The following TEX10 variants were observed in gnomAD, a reference collection of about 807,000 sequenced individuals.
The protein encoded by TEX10 is testis-expressed protein 10.
TEX10 carries 24 observed loss-of-function variants against 104.4 expected under a neutral mutation model. The observed-to-expected ratio is 0.23, with a 90% CI of 0.17 to 0.32. TEX10 has a LOEUF of 0.32. Ranked by LOEUF, TEX10 falls within the 10% of genes least tolerant of loss-of-function variation. TEX10 has a pLI of 1.00. For missense variants in TEX10, 921 were observed against 1,083.9 expected (o/e 0.85, Z 2.11); for synonymous variants, 396 against 393.4 (o/e 1.01, Z -0.08).
intron 4 of TEX10, among the ~76,000 whole-genome samples, chr9:100,342,777 C>T (rs1274273647): frequency 6.6e-6 from 1 of 152,142 alleles, no homozygotes; most frequent in Non-Finnish European, 1.5e-5. Context: ...AATACTGACC[C>T]TGACACTACT....
Position 100,320,253 on chromosome 9 carries a change from ATG to A in TEX10, c.2202+10_2202+11del. The A allele has an allele frequency of 6.3e-7, 1 of 1,582,086 alleles. No homozygotes were observed. The highest frequency in any genetic ancestry group is 8.6e-7 in the Non-Finnish European group (1 of 1,165,558). ...TTAATAATTATTAGTTTCTTTTTAAATGAACTATTACCTCTGTTACATCCCAG... is the reference window on the plus strand; with the variant it reads ...TTAATAATTATTAGTTTCTTTTTAAAAACTATTACCTCTGTTACATCCCAG... On this transcript the variant is annotated intron_variant, in intron 11 of 14. Transcript: ENST00000374902.
rs1213407184 is a variant in TEX10, at chr9:100,346,255, T to C, written c.954A>G (p.Lys318=). Reference sequence around the variant, plus strand: ...ATGGAATTATTATCTCAATAAATCCTTTCAGGTTTTCAGTAGATGACAGGC... The same window carrying C: ...ATGGAATTATTATCTCAATAAATCCCTTCAGGTTTTCAGTAGATGACAGGC... ...DEGLSSTENL[K]GFIEIIIPLL... is the part of the protein sequence containing the mutation. The change falls in exon 4 of 15, where the codon AAA becomes AAG. Residue 318 remains lysine (K), a synonymous_variant. Coordinates refer to ENST00000374902, the MANE Select transcript of TEX10 (RefSeq NM_017746.4). 3 of 1,614,040 alleles carry C rather than the reference T, an allele frequency of 1.9e-6. No homozygotes were observed. The South Asian group carries it at 3.3e-5, about 18-fold the overall frequency.
chr9:100,345,585 G>A (rs1835281107), intron 4 of TEX10, among the ~76,000 whole-genome samples: 1 of 152,130 alleles, frequency 6.6e-6, no homozygotes, highest in African/African-American at 2.4e-5. Context: ...AAGGAAAAGT[G>A]TAGCATACAC....
intron 10 of TEX10, among the ~76,000 whole-genome samples, chr9:100,321,174 T>C (rs1015710561): frequency 6.6e-6 from 1 of 152,206 alleles, no homozygotes; most frequent in Non-Finnish European, 1.5e-5. Flanking sequence ...CATTCATAAA[T>C]ATACAGTAAA....
intron 7 of TEX10, among the ~76,000 whole-genome samples, chr9:100,328,807 T>C (rs1169719125): frequency 6.6e-6 from 1 of 152,192 alleles, no homozygotes; most frequent in Non-Finnish European, 1.5e-5. Context: ...TATGCCTCAA[T>C]ATGTCACTAA....
chr9:100,313,546 A>T (rs1469023384), intron 11 of TEX10, among the ~76,000 whole-genome samples: 1 of 151,032 alleles, frequency 6.6e-6, no homozygotes, highest in Non-Finnish European at 1.5e-5. Context: ...AAAAGAAAAA[A>T]ATTTAAGAAA....
In TEX10 at chr9:100,347,036, T is replaced by G. The variant is rs769288641; in HGVS notation, c.551A>C (p.Lys184Thr). 1 of 1,614,192 alleles carries G rather than the reference T, an allele frequency of 6.2e-7. No homozygotes were observed. The highest frequency in any genetic ancestry group is 2.2e-5 in the East Asian group (1 of 44,890). ...LITGRSSILL[K>T]NFVELISHQQ... ...ATGAGAAATAAGTTCTACAAAATTC[T>G]TAAGCAATATGCTGCTACGGCCAGT... is the stretch of plus-strand genomic sequence containing the variant. The change falls in exon 3 of 15, where the codon AAG (lysine) becomes ACG (threonine). Residue 184 changes from lysine to threonine, a missense_variant. By Grantham distance (78) the Lys-to-Thr change is moderately conservative. This residue lies in a region of TEX10 where 50 missense variants were observed against 104.2 expected (regional missense o/e 0.48). Coordinates refer to ENST00000374902, the MANE Select transcript of TEX10 (RefSeq NM_017746.4).
At position 100,346,685 on chromosome 9, in the gene TEX10, C is replaced by T. The variant is rs915455870; in HGVS notation, c.893+9G>A. 1 of 1,597,186 alleles carries T rather than the reference C, an allele frequency of 6.3e-7. No individual in the cohort carries two copies. The highest frequency in any genetic ancestry group is 8.5e-7 in the Non-Finnish European group (1 of 1,171,826). ...AAAACTGTGTGGACATAACTGAAATCCTTCTTACCGTAGCCTGAACTGTGA... is the reference window on the plus strand; with the variant it reads ...AAAACTGTGTGGACATAACTGAAATTCTTCTTACCGTAGCCTGAACTGTGA... On this transcript the variant is annotated intron_variant, in intron 3 of 14. Coordinates refer to ENST00000374902, the MANE Select transcript of TEX10 (RefSeq NM_017746.4).
chr9:100,350,782 A>C (rs1024518267), intron 1 of TEX10, among the ~76,000 whole-genome samples: 2 of 152,242 alleles, frequency 1.3e-5, no homozygotes, highest in Non-Finnish European at 2.9e-5. Flanking sequence ...TTCAGAAGCC[A>C]ATCAGCTATG....
chr9:100,326,182 T>C (rs527291893), intron 9 of TEX10, 120 bp downstream of exon 9: 1 of 993,512 alleles, frequency 1.0e-6, no homozygotes, highest in South Asian at 1.8e-5. Context: ...TTTTAATTGT[T>C]GCATTAAGAG....
At chr9:100,322,872 T>C (rs531867334) in intron 9 of TEX10, among the ~76,000 whole-genome samples, 21 of 152,290 alleles carry the variant, frequency 1.4e-4, no homozygotes, top group African/African-American at 5.1e-4. Context: ...TGCCTCGGTC[T>C]CCCAGAGTTC....
chr9:100,305,181 C>T (rs1834115521), intron 13 of TEX10: 1 of 152,152 alleles, frequency 6.6e-6, no homozygotes, highest in Admixed American at 6.5e-5. Flanking sequence ...AAGGCTCTGA[C>T]CTTTTTGCAG....
At chr9:100,342,725 T>C (rs1835204171) in intron 4 of TEX10, among the ~76,000 whole-genome samples, 1 of 152,056 alleles carries the variant, frequency 6.6e-6, no homozygotes, top group Admixed American at 6.6e-5. Flanking sequence ...AGCAAGCAAG[T>C]CAAGCATTAA....
intron 8 of TEX10, 121 bp from the exon 9 acceptor site, chr9:100,326,600 A>C: frequency 4.3e-6 from 4 of 926,888 alleles, no homozygotes; most frequent in Non-Finnish European, 6.2e-6. Flanking sequence ...AATTTTATGA[A>C]TATCAATTAC....
At chr9:100,325,969 G>A (rs1315095569) in intron 9 of TEX10, among the ~76,000 whole-genome samples, 1 of 152,144 alleles carries the variant, frequency 6.6e-6, no homozygotes, top group Non-Finnish European at 1.5e-5. Flanking sequence ...TAAATTCTGA[G>A]CTCTCTGAAG....
chr9:100,338,173 G>C (rs995856060), intron 5 of TEX10, among the ~76,000 whole-genome samples: 1 of 152,188 alleles, frequency 6.6e-6, no homozygotes, highest in Non-Finnish European at 1.5e-5. Context: ...ACACTCTTCT[G>C]TTTGCTTGCT....
At chr9:100,333,777 A>C (rs1329744021) in intron 5 of TEX10, among the ~76,000 whole-genome samples, 1 of 152,206 alleles carries the variant, frequency 6.6e-6, no homozygotes, top group Non-Finnish European at 1.5e-5. Context: ...CAATAAACAT[A>C]CATAAATTAA....
intron 11 of TEX10, among the ~76,000 whole-genome samples, chr9:100,310,594 C>A (rs902460762): frequency 1.4e-4 from 22 of 152,138 alleles, no homozygotes; most frequent in African/African-American, 3.6e-4. Context: ...CACACCACCA[C>A]GCCTGGCTAA....
chr9:100,343,150 A>G (rs1449200708), intron 4 of TEX10, among the ~76,000 whole-genome samples: 1 of 151,822 alleles, frequency 6.6e-6, no homozygotes, highest in Non-Finnish European at 1.5e-5. Flanking sequence ...AAAAAAATAA[A>G]TAAAAATAAA....
Sources: gnomAD v4.1 joint callset for allele counts (sites outside exome capture counted in the v4.1 genomes callset) on GRCh38, gnomAD v4.1.1 for gene constraint, gnomAD v4.1.1 regional missense constraint, MANE v1.5 for transcripts, NCBI Gene and HGNC (gene_info 2026-07-23, HGNC 2026-07-21) for gene names.